BCAP31: variants seen among roughly 807,000 people sequenced by gnomAD.
BCAP31 encodes B-cell receptor-associated protein 31.
For missense variants in BCAP31, 124 were observed against 193.0 expected (o/e 0.64, Z 2.12); for synonymous variants, 75 against 80.9 (o/e 0.93, Z 0.39).
At chrX:153,715,456 G>T (rs184989079) in intron 4 of BCAP31, 86 bp downstream of exon 4, 6 of 1,114,140 alleles carry the variant, frequency 5.4e-6, no homozygotes, top group East Asian at 3.0e-5. Context: ...AAAGTCACAG[G>T]GGGGAGACTG....
At position 153,718,317 on chromosome X, in the gene BCAP31, C is replaced by CAA. The variant is rs60097594; in HGVS notation, c.193+2553_193+2554dup. Among the ~76,000 whole-genome samples, 226 of 29,910 alleles carry CAA rather than the reference C, an allele frequency of 7.6e-3. 1 individual carries two copies. Among genetic ancestry groups the CAA allele is most frequent in the African/African-American group, 0.014 (141 of 9,730 alleles). 26.0% of individuals were successfully genotyped at this position (29,910 alleles called of 115,157 possible). ...TGGGCAACAAAGTGAGATTCCATCT[C>CAA]AAAAAAAAAAAAAAAAAAAAAAGAT... On this transcript the variant is annotated intron_variant, in intron 3 of 7. Coordinates refer to ENST00000345046, the MANE Select transcript of BCAP31 (RefSeq NM_001256447.2).
chrX:153,716,038 C>T (rs972083016), intron 3 of BCAP31, among the ~76,000 whole-genome samples: 3 of 109,378 alleles, frequency 2.7e-5, no homozygotes, highest in Non-Finnish European at 3.8e-5. Context: ...TGGTGGTGGG[C>T]GCCTGTAATC....
rs1557049923 is a variant in BCAP31, at chrX:153,715,530, C to A, written c.341+12G>T. 3.3e-6 allele frequency: 4 copies of A among 1,209,641 alleles called. No homozygotes were observed. Among genetic ancestry groups the A allele is most frequent in the Non-Finnish European group, 4.5e-6 (4 of 894,079 alleles). ...CCTTTCACAGCACCTGCCCCCTCAACCCCCCACTCACAAGGACAGCAGCAA... is the reference window on the plus strand; with the variant it reads ...CCTTTCACAGCACCTGCCCCCTCAAACCCCCACTCACAAGGACAGCAGCAA... On this transcript the variant is annotated intron_variant, in intron 4 of 7. Transcript: ENST00000345046.
At chrX:153,702,758 G>A (rs1458964167) in intron 6 of BCAP31, among the ~76,000 whole-genome samples, 177 bp downstream of exon 6, 4 of 112,778 alleles carry the variant, frequency 3.5e-5, no homozygotes, top group African/African-American at 1.3e-4. Context: ...CTGGCCTGCC[G>A]GCTAAGCATG....
intron 6 of BCAP31, among the ~76,000 whole-genome samples, chrX:153,702,721 G>C (rs1170730997): frequency 2.7e-5 from 3 of 112,769 alleles, no homozygotes; most frequent in Non-Finnish European, 5.6e-5. Context: ...GGTTCCTCCT[G>C]AGCCCCATTC....
chrX:153,719,829 T>C (rs2091652848), intron 3 of BCAP31, among the ~76,000 whole-genome samples: 1 of 111,839 alleles, frequency 8.9e-6, no homozygotes, highest in Admixed American at 9.5e-5. Flanking sequence ...ATGGTCACCC[T>C]ACCACCTCAT....
Position 153,700,859 on chromosome X carries a change from GGGAGA to G in BCAP31, c.*73_*77del. The G allele has an allele frequency of 9.9e-7, 1 of 1,010,829 alleles. No individual in the cohort carries two copies. The highest frequency in any genetic ancestry group is 3.7e-4 in the Middle Eastern group (1 of 2,673). 83.3% of individuals were successfully genotyped at this position (1,010,829 alleles called of 1,213,427 possible). Reference sequence around the variant, plus strand: ...GAAGGGCACAAACAGAAGTACTGGAGGGAGAGGCCGGGCTCTCAGGAAGCAGCAGG... The same window carrying G: ...GAAGGGCACAAACAGAAGTACTGGAGGGCCGGGCTCTCAGGAAGCAGCAGG... On this transcript the variant is annotated 3_prime_UTR_variant, in exon 8 of 8. Coordinates refer to ENST00000345046, the MANE Select transcript of BCAP31 (RefSeq NM_001256447.2).
At chrX:153,701,259 C>T (rs1181627194) in intron 7 of BCAP31, among the ~76,000 whole-genome samples, 4 of 112,321 alleles carry the variant, frequency 3.6e-5, no homozygotes, top group Non-Finnish European at 7.5e-5. Flanking sequence ...AACAGCAAGG[C>T]ATCCAGTCCC....
At chrX:153,709,587 G>A (rs1557048782) in intron 4 of BCAP31, among the ~76,000 whole-genome samples, 1 of 112,620 alleles carries the variant, frequency 8.9e-6, no homozygotes, top group Non-Finnish European at 1.9e-5. Context: ...AAGGGAACAG[G>A]AGCGACTGCC....
chrX:153,721,078 G>A (rs1256717703), intron 2 of BCAP31, 106 bp from the exon 3 acceptor site: 6 of 631,010 alleles, frequency 9.5e-6, no homozygotes, highest in African/African-American at 6.7e-5. Context: ...TCCAATGGCC[G>A]AATAGCCCAT....
At chrX:153,708,688 G>A (rs1261680220) in intron 4 of BCAP31, among the ~76,000 whole-genome samples, 2 of 112,780 alleles carry the variant, frequency 1.8e-5, no homozygotes, top group African/African-American at 6.4e-5. Context: ...AGGCTTCAGT[G>A]AAGAAGAATG....
At chrX:153,723,487 T>C in intron 1 of BCAP31, 199 bp from the exon 2 acceptor site, 1 of 1,152,749 alleles carries the variant, frequency 8.7e-7, no homozygotes, top group Non-Finnish European at 1.2e-6. Context: ...CCCCACAAAC[T>C]TCCGTTCGCT....
chrX:153,713,954 A>T (rs2091609748), intron 4 of BCAP31, among the ~76,000 whole-genome samples: 1 of 83,331 alleles, frequency 1.2e-5, no homozygotes, highest in Non-Finnish European at 2.2e-5. Context: ...GGCTCACTGC[A>T]ACCTCTGCCT....
At chrX:153,720,594 T>A (rs979484000) in intron 3 of BCAP31, among the ~76,000 whole-genome samples, 2 of 111,255 alleles carry the variant, frequency 1.8e-5, no homozygotes, top group Admixed American at 1.9e-4. Context: ...GAACTCCTCA[T>A]CTCAGGTGAT....
Position 153,709,161 on chromosome X carries a change from C to CTGAGGT in BCAP31, c.342-5068_342-5067insACCTCA, listed in dbSNP as rs201986561. On this transcript the variant is annotated intron_variant, in intron 4 of 7. Coordinates refer to ENST00000345046, the MANE Select transcript of BCAP31 (RefSeq NM_001256447.2). ...TTGGGGTAAGCTGGAGGGTAGAGAG[C>CTGAGGT]AACCGACTGAGGTAAGACAACTTAG... Among the ~76,000 whole-genome samples the CTGAGGT allele has an allele frequency of 4.7e-3, 524 of 111,737 alleles. 22 individuals are homozygous for CTGAGGT. The East Asian group carries it at 0.13, about 28-fold the overall frequency.
At chrX:153,720,660 G>A (rs1277503693) in intron 3 of BCAP31, among the ~76,000 whole-genome samples, 1 of 111,999 alleles carries the variant, frequency 8.9e-6, no homozygotes, top group African/African-American at 3.2e-5. Context: ...CACCATGTAC[G>A]GCCTAGAGGG....
In BCAP31 at chrX:153,715,708, GAGA is replaced by G; in HGVS notation, c.194-22_194-20del. On this transcript the variant is annotated intron_variant, in intron 3 of 7. Coordinates refer to ENST00000345046, the MANE Select transcript of BCAP31 (RefSeq NM_001256447.2). ...ACGGCATCTGTGGTGGAGCAGAGAG[GAGA>G]CACGGGCATTTAGCGGACACTAGGG... 8.3e-7 allele frequency: 1 copy of G among 1,208,942 alleles called. No homozygotes were observed. The highest frequency in any genetic ancestry group is 1.1e-6 in the Non-Finnish European group (1 of 893,105).
At chrX:153,716,974 C>G (rs1170479466) in intron 3 of BCAP31, among the ~76,000 whole-genome samples, 1 of 108,454 alleles carries the variant, frequency 9.2e-6, no homozygotes, top group Non-Finnish European at 1.9e-5. Context: ...ATAATCACAT[C>G]TAGCAGTATA....
intron 4 of BCAP31, among the ~76,000 whole-genome samples, chrX:153,712,839 T>C (rs1485581400): frequency 8.9e-6 from 1 of 112,390 alleles, no homozygotes; most frequent in Non-Finnish European, 1.9e-5. Flanking sequence ...CTAGAGGACC[T>C]TGGCTTTCTG....
Sources: gnomAD v4.1 joint callset for allele counts (sites outside exome capture counted in the v4.1 genomes callset) on GRCh38, gnomAD v4.1.1 for gene constraint, MANE v1.5 for transcripts, NCBI Gene and HGNC (gene_info 2026-07-23, HGNC 2026-07-21) for gene names.